Variants in DENND2A observed in about 807,000 individuals in gnomAD.
DENND2A encodes DENN domain containing 2A.
In DENND2A, 53 loss-of-function variants were observed where a neutral mutation model predicts 105.3. The ratio of observed to expected loss-of-function variants is 0.50; its 90% CI spans 0.40 to 0.63. The LOEUF (loss-of-function observed/expected upper bound fraction) is 0.63. Among genes scored for constraint, DENND2A ranks in the 30% least tolerant of loss-of-function variants. The probability of loss-of-function intolerance (pLI) is 0.00; values close to 1 mark genes in which losing one functional copy is unlikely to be tolerated. For synonymous variants in DENND2A, 522 were observed against 508.4 expected, an observed-to-expected ratio of 1.03 and a Z score of -0.36; for missense variants, 1,138 against 1,279.6, an observed-to-expected ratio of 0.89 and a Z score of 1.69.
rs142914502 is a variant in DENND2A, at chr7:140,632,447, AAGG to A, written c.-248+8054_-248+8056del. ...GCTGGGTCAACACACCTGTCCCAGC[AAGG>A]AGAATGAATGAGCATATCCAACTCT... is the stretch of plus-strand genomic sequence containing the variant. On this transcript the variant is annotated intron_variant, in intron 1 of 19. Transcript: ENST00000496613. 5.8e-4 allele frequency among the ~76,000 whole-genome samples: 88 copies of A among 152,358 alleles called. No individual in the cohort carries two copies. In the East Asian group the frequency reaches 0.013, roughly 23 times the overall value.
At chr7:140,581,419 C>T (rs1023480927) in intron 5 of DENND2A, among the ~76,000 whole-genome samples, 13 of 152,146 alleles carry the variant, frequency 8.5e-5, no homozygotes, top group African/African-American at 2.7e-4. Flanking sequence ...CCTTCCCTCT[C>T]GAATGGAAAT....
intron 8 of DENND2A, among the ~76,000 whole-genome samples, 180 bp downstream of exon 8, chr7:140,568,583 A>C (rs1282349800): frequency 1.3e-5 from 2 of 152,062 alleles, no homozygotes; most frequent in Non-Finnish European, 2.9e-5. Flanking sequence ...TGCCATTTTG[A>C]TCATGCCCAT....
intron 16 of DENND2A, among the ~76,000 whole-genome samples, chr7:140,524,136 AG>A (rs747209076): frequency 2.0e-5 from 3 of 152,102 alleles, no homozygotes; most frequent in African/African-American, 7.2e-5. Flanking sequence ...TCAGAGCAGG[AG>A]GGTCTTGGGA....
intron 12 of DENND2A, among the ~76,000 whole-genome samples, chr7:140,553,656 G>T (rs1291586512): frequency 6.6e-6 from 1 of 152,222 alleles, no homozygotes; most frequent in Non-Finnish European, 1.5e-5. Flanking sequence ...CTTCCGCAGT[G>T]TTTGTGTCCC....
chr7:140,523,327 C>T lies in DENND2A; in HGVS notation c.2645G>A (p.Gly882Glu). Reference sequence around the variant, plus strand: ...CTTACCGTGCCTGCCGTCTAGGGGCCCTTCGTCCTGCTCACAAGCCAGCTC... The same window carrying T: ...CTTACCGTGCCTGCCGTCTAGGGGCTCTTCGTCCTGCTCACAAGCCAGCTC... The part of the protein sequence containing the change: ...RNELACEQDE[G>E]PLDGRHGPES... The change falls in exon 17 of 20, where the codon GGG becomes GAG. Residue 882 changes from glycine (G) to glutamate (E), a missense_variant. By Grantham distance (98) the Gly-to-Glu change is moderately conservative. Coordinates refer to ENST00000496613, the MANE Select transcript of DENND2A (RefSeq NM_015689.5). This position sits in a 1 kb window ranked among gnomAD's most constrained non-coding sequence, Gnocchi z 4.5. The T allele has an allele frequency of 1.9e-6, 3 of 1,614,162 alleles. No individual in the cohort carries two copies. The highest frequency in any genetic ancestry group is 2.5e-6 in the Non-Finnish European group (3 of 1,180,020).
intron 11 of DENND2A, among the ~76,000 whole-genome samples, chr7:140,557,338 G>A (rs1481623283): frequency 1.3e-5 from 2 of 151,070 alleles, no homozygotes; most frequent in East Asian, 2.0e-4. Flanking sequence ...TGGGGAGGTC[G>A]AGGCTGCAGT....
At chr7:140,621,247 C>T (rs1293180551) in intron 1 of DENND2A, among the ~76,000 whole-genome samples, 1 of 151,770 alleles carries the variant, frequency 6.6e-6, no homozygotes, top group African/African-American at 2.4e-5. Context: ...GTTGCCCAGA[C>T]TGGTCTTGAA....
At chr7:140,575,670 A>C (rs73483934) in intron 5 of DENND2A, among the ~76,000 whole-genome samples, 2,102 of 152,288 alleles carry the variant, frequency 0.014, 45 homozygotes, top group African/African-American at 0.048. Flanking sequence ...AATTATTTAA[A>C]AAATCTTAAT....
chr7:140,548,967 C>T (rs537171119), intron 12 of DENND2A, among the ~76,000 whole-genome samples: 1 of 151,852 alleles, frequency 6.6e-6, no homozygotes, highest in Non-Finnish European at 1.5e-5. Flanking sequence ...ACCTGTAATC[C>T]CAACATTTTG....
In DENND2A at chr7:140,562,505, C is replaced by T. The variant is rs184775034; in HGVS notation, c.1780-2688G>A. Among the ~76,000 whole-genome samples the T allele has an allele frequency of 4.4e-3, 662 of 151,960 alleles. 6 individuals carry two copies. Among genetic ancestry groups the T allele is most frequent in the African/African-American group, 0.015 (639 of 41,454 alleles). ...TGAAACCCCGTCTCTACTAAAAATA[C>T]AAAAAAATTAGCTGGGTGTGGTGGC... On this transcript the variant is annotated intron_variant, in intron 9 of 19. Transcript: ENST00000496613.
chr7:140,574,014 A>G lies in DENND2A; in HGVS notation c.1246-6T>C. On this transcript the variant is annotated splice_region_variant and splice_polypyrimidine_tract_variant and intron_variant, in intron 5 of 19. Coordinates refer to ENST00000496613, the MANE Select transcript of DENND2A (RefSeq NM_015689.5). ...GCAGGTTTGGACAATGACTGCTGTG[A>G]AGGAAAAGGAGAAAAGAAGAGTAAA... The G allele has an allele frequency of 1.9e-6, 3 of 1,614,114 alleles. No individual in the cohort carries two copies. Among genetic ancestry groups the G allele is most frequent in the Non-Finnish European group, 2.5e-6 (3 of 1,180,008 alleles).
rs1169333710 is a variant in DENND2A, at chr7:140,602,355, C to A, written c.43G>T (p.Ala15Ser). ...SLDMIISDPA[A>S]EASRAGKKQL... ...TTCTTCCCAGCCCTGCTGGCTTCTG[C>A]AGCTGGGTCACTGATGATCATATCC... Residue 15 changes from alanine (A) to serine (S), a missense_variant, in exon 3 of 20, where the codon GCA becomes TCA. Ala to Ser is a moderately conservative substitution (Grantham distance 99). This residue lies in a region of DENND2A where 511 missense variants were observed against 499.9 expected (regional missense o/e 1.02). Transcript: ENST00000496613. 6.3e-7 allele frequency: 1 copy of A among 1,592,034 alleles called. No individual in the cohort carries two copies. The highest frequency in any genetic ancestry group is 1.1e-5 in the South Asian group (1 of 90,578).
rs772239377 is a variant in DENND2A at position 140,602,007 on chromosome 7, G to T, written c.391C>A (p.Pro131Thr). 6.2e-7 allele frequency: 1 copy of T among 1,614,208 alleles called. No homozygotes were observed. Among genetic ancestry groups the T allele is most frequent in the Non-Finnish European group, 8.5e-7 (1 of 1,180,034 alleles). Residue 131 changes from proline to threonine, a missense_variant, in exon 3 of 20, where the codon CCA becomes ACA. Pro to Thr is a conservative substitution (Grantham distance 38). Transcript: ENST00000496613. ...CAGCTAGGATCCACTTCCCGTTCTG[G>T]CTGGCTTAGGTCTTGCCCCGGCTCT... Reference protein sequence around the residue: ...DPEPGQDLSQPEREVDPSWGR... With the variant: ...DPEPGQDLSQTEREVDPSWGR...
At chr7:140,597,077 G>A (rs1192721418) in intron 3 of DENND2A, among the ~76,000 whole-genome samples, 1 of 151,988 alleles carries the variant, frequency 6.6e-6, no homozygotes, top group Non-Finnish European at 1.5e-5. Flanking sequence ...CAAATAGAGA[G>A]GGAGAGAGAA....
chr7:140,571,904 T>C (rs1798107378), intron 6 of DENND2A, among the ~76,000 whole-genome samples: 1 of 152,168 alleles, frequency 6.6e-6, no homozygotes, highest in Admixed American at 6.5e-5. Context: ...TAACCTCTCC[T>C]AGTGCTGCCA....
chr7:140,603,922 A>G (rs1054203300), intron 2 of DENND2A, among the ~76,000 whole-genome samples: 3 of 152,244 alleles, frequency 2.0e-5, no homozygotes, highest in African/African-American at 7.2e-5. Flanking sequence ...GTAATGATAC[A>G]TGCTTCCAAA....
Position 140,527,539 on chromosome 7 carries a change from G to A in DENND2A, c.2328-44C>T, listed in dbSNP as rs769089755. 2.6e-6 allele frequency: 4 copies of A among 1,542,318 alleles called. No individual in the cohort carries two copies. Among genetic ancestry groups the A allele is most frequent in the Non-Finnish European group, 3.5e-6 (4 of 1,141,448 alleles). On this transcript the variant is annotated intron_variant, in intron 14 of 19. Coordinates refer to ENST00000496613, the MANE Select transcript of DENND2A (RefSeq NM_015689.5). The surrounding 1 kb of genome is among the most constrained non-coding windows in gnomAD (Gnocchi z 4.9). ...CAGGGAGAGAGGCCGACTCAGCGAG[G>A]GCCCGAGGAAGCCTCCAGGGGAGAA...
At chr7:140,610,437 G>C (rs1022618932) in intron 1 of DENND2A, among the ~76,000 whole-genome samples, 6 of 152,080 alleles carry the variant, frequency 3.9e-5, no homozygotes, top group Admixed American at 6.6e-5. Flanking sequence ...TTTTGAGAGA[G>C]AGAGAGATCA....
Position 140,602,182 on chromosome 7 carries a change from C to T in DENND2A, c.216G>A (p.Glu72=). 1 of 1,614,186 alleles carries T rather than the reference C, an allele frequency of 6.2e-7. No homozygotes were observed. ...CCACCGTAGAGGACGGCAGATAATC[C>T]TCCTGTCCGTCTGCTCTCCTGCTGG... is the stretch of plus-strand genomic sequence containing the variant. ...PAPSRRADGQ[E]DYLPSSTVER... Residue 72 remains glutamate (E), a synonymous_variant, in exon 3 of 20, where the codon GAG becomes GAA. Coordinates refer to ENST00000496613, the MANE Select transcript of DENND2A (RefSeq NM_015689.5).
Sources: gnomAD v4.1 joint callset for allele counts (sites outside exome capture counted in the v4.1 genomes callset) on GRCh38, gnomAD v4.1.1 for gene constraint, gnomAD v4.1.1 regional missense constraint, Gnocchi (gnomAD v3.1) non-coding constraint, MANE v1.5 for transcripts, NCBI Gene and HGNC (gene_info 2026-07-23, HGNC 2026-07-21) for gene names.